The following AVEN variants were observed in gnomAD, a reference collection of about 807,000 sequenced individuals.
AVEN encodes apoptosis and caspase activation inhibitor.
Under a neutral mutation model 38.1 loss-of-function variants are expected in AVEN, and 41 were observed. The ratio of observed to expected loss-of-function variants is 1.08; its 90% CI spans 0.84 to 1.40. The LOEUF is 1.40. AVEN is among the 40% of genes most tolerant of loss of function. AVEN has a pLI of 0.00. For synonymous variants in AVEN, 206 were observed against 171.8 expected, an observed-to-expected ratio of 1.20 and a Z score of -1.56; for missense variants, 605 against 438.8, an observed-to-expected ratio of 1.38 and a Z score of -3.38.
At chr15:34,047,015 A>C (rs1029454565) in intron 5 of AVEN, 1 of 151,990 alleles carries the variant, frequency 6.6e-6, no homozygotes, top group African/African-American at 2.4e-5. Flanking sequence ...TCAGCAGAGC[A>C]GCCGCTCAGG....
At chr15:33,881,428 T>G (rs956249594) in intron 2 of AVEN, among the ~76,000 whole-genome samples, 27 of 152,132 alleles carry the variant, frequency 1.8e-4, no homozygotes, top group African/African-American at 6.5e-4. Context: ...GGTCTCACTC[T>G]GTCACCCAGA....
At position 33,866,549 on chromosome 15, in the gene AVEN, G is replaced by T; in HGVS notation, c.*64C>A. The T allele has an allele frequency of 7.9e-7, 1 of 1,258,276 alleles. No individual in the cohort carries two copies. The highest frequency in any genetic ancestry group is 1.2e-6 in the Non-Finnish European group (1 of 863,026). The allele number at this position is 1,258,276 out of a possible 1,614,324, so 77.9% of individuals were successfully genotyped here. On this transcript the variant is annotated 3_prime_UTR_variant, in exon 6 of 6. Transcript: ENST00000306730. ...GTAAACTGGCTGGTCCTGAAGGACAGCCTTATGCCCACCTGCCGTTAGAAG... is the reference window on the plus strand; with the variant it reads ...GTAAACTGGCTGGTCCTGAAGGACATCCTTATGCCCACCTGCCGTTAGAAG...
At chr15:33,936,678 A>C (rs116779864) in intron 2 of AVEN, among the ~76,000 whole-genome samples, 1,976 of 152,278 alleles carry the variant, frequency 0.013, 46 homozygotes, top group African/African-American at 0.045. Context: ...TTCTCCTAAA[A>C]TTCACATGAG....
At chr15:33,980,046 A>G (rs1274161504) in intron 2 of AVEN, among the ~76,000 whole-genome samples, 4 of 152,238 alleles carry the variant, frequency 2.6e-5, no homozygotes, top group African/African-American at 9.6e-5. Flanking sequence ...GAGAATAACA[A>G]GGGAGAAGAT....
At chr15:33,984,224 G>A (rs181691853) in intron 2 of AVEN, among the ~76,000 whole-genome samples, 3 of 152,160 alleles carry the variant, frequency 2.0e-5, no homozygotes, top group Admixed American at 2.0e-4. Context: ...TGGGTAGAAA[G>A]TACACGGAAA....
intron 2 of AVEN, among the ~76,000 whole-genome samples, chr15:33,931,913 G>A (rs1025859931): frequency 6.6e-6 from 1 of 152,152 alleles, no homozygotes; most frequent in East Asian, 1.9e-4. Context: ...AGACAGAGAT[G>A]AGAGAAAGAA....
At chr15:33,898,797 T>C (rs1484731166) in intron 2 of AVEN, among the ~76,000 whole-genome samples, 1 of 152,026 alleles carries the variant, frequency 6.6e-6, no homozygotes, top group African/African-American at 2.4e-5. Flanking sequence ...GACAAAAACA[T>C]GACAAATGCC....
At chr15:33,942,697 C>T (rs1299662909) in intron 2 of AVEN, among the ~76,000 whole-genome samples, 1 of 152,140 alleles carries the variant, frequency 6.6e-6, no homozygotes, top group Non-Finnish European at 1.5e-5. Context: ...ATGATCCACC[C>T]ACCTCAGCCT....
At chr15:33,983,154 G>GTATA (rs1555512743) in intron 2 of AVEN, among the ~76,000 whole-genome samples, 4 of 111,712 alleles carry the variant, frequency 3.6e-5, no homozygotes, top group African/African-American at 1.7e-4. Context: ...GTGTGTGTGT[G>GTATA]TGTGTATGTG....
intron 4 of AVEN, among the ~76,000 whole-genome samples, chr15:33,868,739 A>G (rs1890808837): frequency 6.6e-6 from 1 of 152,094 alleles, no homozygotes; most frequent in South Asian, 2.1e-4. Flanking sequence ...CTACGGTATT[A>G]GAAGTTAGGT....
chr15:34,062,892 A>C (rs2140847025), intron 5 of AVEN: 1 of 1,614,206 alleles, frequency 6.2e-7, no homozygotes, highest in East Asian at 2.2e-5. Flanking sequence ...CAAAGTCAAC[A>C]GCCAGCTCAA....
intron 5 of AVEN, among the ~76,000 whole-genome samples, chr15:34,048,003 C>T (rs908425404): frequency 2.0e-5 from 3 of 150,926 alleles, no homozygotes; most frequent in Non-Finnish European, 4.4e-5. Context: ...ACTACAGGCA[C>T]ACATCACCAC....
chr15:33,983,726 A>G (rs1358138569), intron 2 of AVEN, among the ~76,000 whole-genome samples: 2 of 152,140 alleles, frequency 1.3e-5, no homozygotes, highest in African/African-American at 4.8e-5. Context: ...AGTGAACAAT[A>G]AATGGAAAGG....
chr15:34,074,105 C>T (rs1362151837), intron 1 of AVEN, among the ~76,000 whole-genome samples: 2 of 143,790 alleles, frequency 1.4e-5, no homozygotes, highest in Admixed American at 7.2e-5. Flanking sequence ...TCAAGCAATT[C>T]TCATGCCTCA....
chr15:33,854,772 C>T (rs758795619), downstream of AVEN: 2 of 1,605,410 alleles, frequency 1.2e-6, no homozygotes, highest in South Asian at 1.1e-5. Flanking sequence ...CCAGTCCTTT[C>T]TCTACCTTGC....
At chr15:33,927,734 T>A (rs688117) in intron 2 of AVEN, among the ~76,000 whole-genome samples, 96,914 of 152,120 alleles carry the variant, frequency 0.64, 31,616 homozygotes, top group East Asian at 0.75. Context: ...AGAAAGATAT[T>A]TTAACTGCAA....
At chr15:34,067,214 A>C (rs1383663636) in intron 2 of AVEN, 1 of 152,124 alleles carries the variant, frequency 6.6e-6, no homozygotes, top group Non-Finnish European at 1.5e-5. Context: ...TTTTCCATTC[A>C]ATTTTTGGTT....
chr15:33,974,107 T>C (rs138362736), intron 2 of AVEN, among the ~76,000 whole-genome samples: 1 of 152,298 alleles, frequency 6.6e-6, no homozygotes, highest in Non-Finnish European at 1.5e-5. Flanking sequence ...TTTTGCTCTA[T>C]TTGACATATG....
chr15:34,028,824 CA>C (rs987803996), intron 1 of AVEN, among the ~76,000 whole-genome samples: 8 of 151,472 alleles, frequency 5.3e-5, no homozygotes, highest in African/African-American at 1.9e-4. Flanking sequence ...TGTTAGACTG[CA>C]AAACACACCA....
Sources: allele counts gnomAD v4.1 joint callset (sites outside exome capture counted in the v4.1 genomes callset), GRCh38; gene constraint gnomAD v4.1.1; transcripts MANE v1.5; gene names NCBI Gene and HGNC (gene_info 2026-07-23, HGNC 2026-07-21).